PTPRN2: variants seen among roughly 807,000 people sequenced by gnomAD.
PTPRN2 encodes the protein protein tyrosine phosphatase receptor type N2.
Under a neutral mutation model 118.8 loss-of-function variants are expected in PTPRN2, and 74 were observed. The observed-to-expected ratio is 0.62, with a 90% CI of 0.52 to 0.76. The LOEUF is 0.76. PTPRN2 is among the 30% of genes least tolerant of loss of function. The pLI, the probability that PTPRN2 is intolerant of heterozygous loss-of-function variation, is 0.00. For missense variants in PTPRN2, 1,481 were observed against 1,394.4 expected, an observed-to-expected ratio of 1.06 and a Z score of -0.99; for synonymous variants, 641 against 608.0, an observed-to-expected ratio of 1.05 and a Z score of -0.80.
rs1422461785 is a variant in PTPRN2 at position 158,517,483 on chromosome 7, C to G, written c.113-27698G>C. On this transcript the variant is annotated intron_variant, in intron 1 of 22. Coordinates refer to ENST00000389418, the MANE Select transcript of PTPRN2 (RefSeq NM_002847.5). The surrounding 1 kb of genome is among the most constrained non-coding windows in gnomAD (Gnocchi z 5.3). The stretch of plus-strand genomic sequence containing the variant: ...CAGACATCTCTTAAGGGGCCTGACT[C>G]TGCCTCAGCCCCACCGCCCCCCAGC... Among the ~76,000 whole-genome samples, 5 of 152,176 alleles carry G rather than the reference C, an allele frequency of 3.3e-5. No individual in the cohort carries two copies. Among genetic ancestry groups the G allele is most frequent in the African/African-American group, 7.2e-5 (3 of 41,440 alleles).
At chr7:157,908,479 G>A (rs1439479470) in intron 11 of PTPRN2, among the ~76,000 whole-genome samples, 2 of 152,210 alleles carry the variant, frequency 1.3e-5, no homozygotes, top group Admixed American at 1.3e-4. Flanking sequence ...AGAAGTATCC[G>A]TTCCTGGCAG....
intron 5 of PTPRN2, among the ~76,000 whole-genome samples, chr7:158,172,035 A>G (rs184956617): frequency 4.3e-4 from 65 of 152,334 alleles, no homozygotes; most frequent in African/African-American, 1.5e-3. Flanking sequence ...AGCTTCTGCC[A>G]AAGTCTGATG....
chr7:157,734,827 G>A (rs1324233005), intron 12 of PTPRN2, among the ~76,000 whole-genome samples: 5 of 152,222 alleles, frequency 3.3e-5, no homozygotes, highest in Admixed American at 3.3e-4. Context: ...GACCAGCAGG[G>A]CAGCCAGCCA....
At chr7:157,733,474 C>G (rs1432943977) in intron 12 of PTPRN2, among the ~76,000 whole-genome samples, 1 of 57,584 alleles carries the variant, frequency 1.7e-5, no homozygotes, top group African/African-American at 7.3e-5. Flanking sequence ...CCGCCCCATG[C>G]GCCCAGCACA....
chr7:157,772,657 C>T (rs1291747550), intron 12 of PTPRN2, among the ~76,000 whole-genome samples: 19 of 152,328 alleles, frequency 1.2e-4, no homozygotes, highest in Admixed American at 9.8e-4. Context: ...GCACCCAGGG[C>T]GACCCCAGAG....
intron 3 of PTPRN2, among the ~76,000 whole-genome samples, chr7:158,285,272 G>A (rs1170726889): frequency 6.6e-6 from 1 of 152,158 alleles, no homozygotes; most frequent in African/African-American, 2.4e-5. Flanking sequence ...GTGGTCTGGG[G>A]GATCCTGTGC....
intron 1 of PTPRN2, among the ~76,000 whole-genome samples, chr7:158,537,831 T>C (rs184574416): frequency 6.6e-6 from 1 of 152,382 alleles, no homozygotes; most frequent in East Asian, 1.9e-4. Flanking sequence ...GCCTATTTCT[T>C]ATTTAGGTCT....
chr7:158,341,913 C>G (rs1406131196), intron 2 of PTPRN2, among the ~76,000 whole-genome samples: 5 of 144,268 alleles, frequency 3.5e-5, no homozygotes, highest in Non-Finnish European at 7.5e-5. Flanking sequence ...CTGACACCTG[C>G]AGACGTCACT....
At chr7:157,739,347 C>T (rs183085043) in intron 12 of PTPRN2, 9 of 152,372 alleles carry the variant, frequency 5.9e-5, no homozygotes, top group Admixed American at 5.9e-4. Context: ...GGTAAAATGC[C>T]TCTTCTTCCT....
At chr7:157,601,975 G>A (rs1801694787) in intron 16 of PTPRN2, among the ~76,000 whole-genome samples, 1 of 152,242 alleles carries the variant, frequency 6.6e-6, no homozygotes, top group Non-Finnish European at 1.5e-5. Context: ...CGCACGTTCT[G>A]TTCATCAAGT....
Position 158,081,201 on chromosome 7 carries a change from G to A in PTPRN2, c.1723+97C>T, listed in dbSNP as rs560697851. On this transcript the variant is annotated intron_variant, in intron 11 of 22. Transcript: ENST00000389418. ...GGGTTGCCCCATGTGGGTAGTGTGAGTCTCTCTCTGCCCTGGCTGTGCATG... is the reference window on the plus strand; with the variant it reads ...GGGTTGCCCCATGTGGGTAGTGTGAATCTCTCTCTGCCCTGGCTGTGCATG... 8 of 1,247,632 alleles carry A rather than the reference G, an allele frequency of 6.4e-6. No homozygotes were observed. In the African/African-American group the frequency reaches 7.4e-5, roughly 12 times the overall value. The allele number at this position is 1,247,632 out of a possible 1,614,324, so 77.3% of individuals were successfully genotyped here. A position where few individuals can be genotyped will look rare whatever the true frequency, so the allele number is the denominator to read the frequency against.
At chr7:157,972,184 T>C (rs1459122301) in intron 11 of PTPRN2, among the ~76,000 whole-genome samples, 1 of 152,218 alleles carries the variant, frequency 6.6e-6, no homozygotes, top group African/African-American at 2.4e-5. Context: ...AGGCGTTCAC[T>C]AGAACAGGTT....
At chr7:157,928,240 C>T (rs1179007560) in intron 11 of PTPRN2, among the ~76,000 whole-genome samples, 2 of 152,204 alleles carry the variant, frequency 1.3e-5, no homozygotes, top group African/African-American at 4.8e-5. Context: ...AGCCCACACT[C>T]AGCCATGCTG....
chr7:157,719,320 A>G (rs1490422569), intron 12 of PTPRN2, among the ~76,000 whole-genome samples: 1 of 152,178 alleles, frequency 6.6e-6, no homozygotes, highest in Non-Finnish European at 1.5e-5. Context: ...GGGAGCGGAG[A>G]TCGTGCTTCC....
At chr7:157,628,379 T>C (rs1300184113) in intron 14 of PTPRN2, among the ~76,000 whole-genome samples, 2 of 152,172 alleles carry the variant, frequency 1.3e-5, no homozygotes, top group African/African-American at 2.4e-5. Context: ...CTGTTAACGA[T>C]TGCAAGAGCA....
rs557178562 is a variant in PTPRN2 at position 157,560,558 on chromosome 7, C to T, written c.2902+8344G>A. ...GGCCCGGGAACCTGGGGACACCTCA[C>T]GCCCCACATCCCTCACTGTTTCTCT... On this transcript the variant is annotated intron_variant, in intron 21 of 22. Transcript: ENST00000389418. The surrounding 1 kb of genome is among the most constrained non-coding windows in gnomAD (Gnocchi z 6.7). 4.6e-5 allele frequency among the ~76,000 whole-genome samples: 7 copies of T among 152,176 alleles called. No homozygotes were observed. The highest frequency in any genetic ancestry group is 6.5e-5 in the Admixed American group (1 of 15,290).
chr7:158,145,668 G>A (rs943638560), intron 6 of PTPRN2, among the ~76,000 whole-genome samples: 1 of 152,218 alleles, frequency 6.6e-6, no homozygotes, highest in Non-Finnish European at 1.5e-5. Flanking sequence ...CTCCCCTGCC[G>A]TGGCTGCAGC....
chr7:158,080,925 C>T (rs774092201), intron 11 of PTPRN2, among the ~76,000 whole-genome samples: 5 of 152,116 alleles, frequency 3.3e-5, no homozygotes, highest in Non-Finnish European at 7.4e-5. Context: ...CAAAATTGCA[C>T]GTGCTCTGCA....
chr7:158,077,864 G>A (rs994527822), intron 11 of PTPRN2, among the ~76,000 whole-genome samples: 1 of 152,138 alleles, frequency 6.6e-6, no homozygotes, highest in Non-Finnish European at 1.5e-5. Context: ...AGGAAATGAA[G>A]AATAAAAAGG....
Sources: gnomAD v4.1 joint callset for allele counts (sites outside exome capture counted in the v4.1 genomes callset) on GRCh38, gnomAD v4.1.1 for gene constraint, Gnocchi (gnomAD v3.1) non-coding constraint, MANE v1.5 for transcripts, NCBI Gene and HGNC (gene_info 2026-07-23, HGNC 2026-07-21) for gene names.